The following HYDIN variants were observed in gnomAD, a reference collection of about 807,000 sequenced individuals.
HYDIN encodes HYDIN axonemal central pair apparatus protein, also known as axonemal central pair apparatus protein HYDIN.
A neutral mutation model predicts 403.9 loss-of-function variants in HYDIN; 132 were observed. The ratio of observed to expected loss-of-function variants is 0.33; its 90% confidence interval spans 0.28 to 0.38. HYDIN has a LOEUF of 0.38. Ranked by LOEUF, HYDIN falls within the 10% of genes least tolerant of loss-of-function variation. The pLI is 1.00. For synonymous variants in HYDIN, 1,202 were observed against 1,891.7 expected (o/e 0.64, Z 9.46); for missense variants, 2,827 against 5,009.5 (o/e 0.56, Z 13.15).
At chr16:70,850,157 G>A (rs2038525891) in intron 74 of HYDIN, among the ~76,000 whole-genome samples, 1 of 152,006 alleles carries the variant, frequency 6.6e-6, no homozygotes, top group Non-Finnish European at 1.5e-5. Context: ...GAGCAAAGTG[G>A]CAATTTAGTT....
chr16:70,842,874 G>A (rs972562812), intron 75 of HYDIN, among the ~76,000 whole-genome samples: 1 of 151,378 alleles, frequency 6.6e-6, no homozygotes, highest in Non-Finnish European at 1.5e-5. Context: ...ATATTTTCTA[G>A]TGTACCATTT....
chr16:70,855,700 T>C (rs1048869572), intron 72 of HYDIN, among the ~76,000 whole-genome samples: 1 of 152,406 alleles, frequency 6.6e-6, no homozygotes, highest in Non-Finnish European at 1.5e-5. Context: ...ATGAGTTTCC[T>C]GCCCAGGGCT....
chr16:71,074,058 A>G (rs112435792), intron 13 of HYDIN, among the ~76,000 whole-genome samples: 139 of 152,314 alleles, frequency 9.1e-4, no homozygotes, highest in African/African-American at 3.0e-3. Flanking sequence ...TAAATGCCAC[A>G]TCTCCAACAC....
At chr16:71,042,397 A>G (rs2081312600) in intron 18 of HYDIN, among the ~76,000 whole-genome samples, 1 of 151,954 alleles carries the variant, frequency 6.6e-6, no homozygotes, top group Non-Finnish European at 1.5e-5. Flanking sequence ...CAGTTTGCAC[A>G]TTATTCATTT....
chr16:71,011,163 G>A (rs371260409), intron 23 of HYDIN, among the ~76,000 whole-genome samples: 3 of 152,100 alleles, frequency 2.0e-5, no homozygotes, highest in South Asian at 2.1e-4. Context: ...TACAAAGGAA[G>A]AGACCCTTAG....
At chr16:70,834,606 G>C (rs2037244221) in intron 78 of HYDIN, among the ~76,000 whole-genome samples, 1 of 152,072 alleles carries the variant, frequency 6.6e-6, no homozygotes, top group Admixed American at 6.5e-5. Context: ...CCAGCACTTT[G>C]GGAGGCCGAG....
chr16:70,821,979 G>T (rs1204293362), intron 83 of HYDIN, among the ~76,000 whole-genome samples: 1 of 152,078 alleles, frequency 6.6e-6, no homozygotes, highest in Non-Finnish European at 1.5e-5. Context: ...AGCTCTGATG[G>T]AACTGTACAG....
intron 37 of HYDIN, among the ~76,000 whole-genome samples, chr16:70,962,504 G>T (rs1477539783): frequency 6.6e-6 from 1 of 152,226 alleles, no homozygotes; most frequent in African/African-American, 2.4e-5. Context: ...CAGGAGAGCT[G>T]CAACCTCTCA....
chr16:71,047,714 T>C (rs1409479582), intron 18 of HYDIN, among the ~76,000 whole-genome samples: 1 of 149,722 alleles, frequency 6.7e-6, no homozygotes, highest in Non-Finnish European at 1.5e-5. Flanking sequence ...ATTTTTCCTT[T>C]TTATTTGACA....
intron 10 of HYDIN, among the ~76,000 whole-genome samples, chr16:71,110,232 ATG>A (rs1036975622): frequency 2.0e-5 from 3 of 146,366 alleles, no homozygotes; most frequent in African/African-American, 7.5e-5. Flanking sequence ...TCCTGTATGT[ATG>A]TGTGTATATA....
chr16:70,892,859 G>C (rs1245331637), intron 55 of HYDIN, among the ~76,000 whole-genome samples: 2 of 152,212 alleles, frequency 1.3e-5, no homozygotes, highest in Non-Finnish European at 2.9e-5. Flanking sequence ...GTGTCTGTCT[G>C]GCTTTCAGCA....
chr16:70,804,088 C>A lies in HYDIN; in HGVS notation c.*3492G>T, dbSNP rs1006272202. Among the ~76,000 whole-genome samples, 1 of 152,172 alleles carries A rather than the reference C, an allele frequency of 6.6e-6. No homozygotes were observed. Among genetic ancestry groups the A allele is most frequent in the Admixed American group, 6.5e-5 (1 of 15,280 alleles). The stretch of plus-strand genomic sequence containing the variant: ...CCATTCCAAATTTGCTAATATAAGA[C>A]TATTTTGTTATTGTTTGAGGCTAAG... On this transcript the variant is annotated 3_prime_UTR_variant, in exon 86 of 86. Transcript: ENST00000393567.
chr16:70,876,086 T>C (rs1342405736), intron 62 of HYDIN, among the ~76,000 whole-genome samples: 5 of 151,704 alleles, frequency 3.3e-5, no homozygotes, highest in Middle Eastern at 3.2e-3. Context: ...TGTGAGAGTA[T>C]AGAAATCCAG....
rs184415024 is a variant in HYDIN, at chr16:71,173,660, C to T, written c.516+1947G>A. ...TTCTGGTTCCCTCTATACCTCTATC[C>T]ACTCCCTCCCCCTTCTATTGTTATA... On this transcript the variant is annotated intron_variant, in intron 5 of 85. Transcript: ENST00000393567. Among the ~76,000 whole-genome samples the T allele has an allele frequency of 9.8e-4, 149 of 152,190 alleles. 1 individual carries two copies. The highest frequency in any genetic ancestry group is 6.8e-3 in the Middle Eastern group (2 of 294).
intron 53 of HYDIN, among the ~76,000 whole-genome samples, chr16:70,900,717 G>GTTCATTCA (rs72371722): frequency 5.5e-4 from 83 of 150,474 alleles, no homozygotes; most frequent in Middle Eastern, 3.4e-3. Context: ...TTGTTCATTT[G>GTTCATTCA]TTCATTCATT....
At chr16:71,230,198 T>C (rs1286113459) in intron 1 of HYDIN, among the ~76,000 whole-genome samples, 1 of 152,208 alleles carries the variant, frequency 6.6e-6, no homozygotes, top group Non-Finnish European at 1.5e-5. Flanking sequence ...CAGAACTTTA[T>C]ATTTTCAAAA....
In HYDIN at chr16:70,962,289, T is replaced by C. The variant is rs2078443407; in HGVS notation, c.5789-151A>G. The C allele has an allele frequency of 1.0e-5, 4 of 395,328 alleles. No homozygotes were observed. In the East Asian group the frequency reaches 1.5e-4, roughly 15 times the overall value. The allele number at this position is 395,328 out of a possible 1,614,324, so 24.5% of individuals were successfully genotyped here. A position where few individuals can be genotyped will look rare whatever the true frequency, so the allele number is the denominator to read the frequency against. ...CCATTCAACCCAAATAAACAAGAAC[T>C]GCAGTCAGTTGGCTATTCCTCAGTC... On this transcript the variant is annotated intron_variant, in intron 37 of 85. Transcript: ENST00000393567.
At chr16:71,224,556 TTTC>T (rs1361262588) in intron 1 of HYDIN, among the ~76,000 whole-genome samples, 5 of 146,898 alleles carry the variant, frequency 3.4e-5, no homozygotes, top group Admixed American at 1.4e-4. Context: ...GGCTAAGGTT[TTTC>T]TTTTTTTTTT....
chr16:70,923,647 C>CAAAAA (rs57860871), intron 45 of HYDIN, among the ~76,000 whole-genome samples: 2 of 69,310 alleles, frequency 2.9e-5, no homozygotes, highest in African/African-American at 6.3e-5. Context: ...CTAAAAAATA[C>CAAAAA]AAAAAAAAAA....
Sources: allele counts gnomAD v4.1 joint callset (sites outside exome capture counted in the v4.1 genomes callset), GRCh38; gene constraint gnomAD v4.1.1; transcripts MANE v1.5; gene names NCBI Gene and HGNC (gene_info 2026-07-23, HGNC 2026-07-21).